Variants in TRPA1 observed in about 807,000 individuals in gnomAD.
The protein encoded by TRPA1 is ankyrin-like with transmembrane domains 1.
In TRPA1, 129 loss-of-function variants were observed where a neutral mutation model predicts 131.3. That is an observed-to-expected ratio of 0.98 (90% confidence interval 0.85 to 1.14). The LOEUF is 1.14. TRPA1 is among the 50% of genes most tolerant of loss of function. The probability of loss-of-function intolerance (pLI) is 0.00; values close to 1 mark genes in which losing one functional copy is unlikely to be tolerated. For missense variants in TRPA1, 1,304 were observed against 1,354.2 expected (o/e 0.96, Z 0.58); for synonymous variants, 441 against 451.7 (o/e 0.98, Z 0.30).
At position 72,021,492 on chromosome 8, in the gene TRPA1, T is replaced by A. The variant is rs1165753304; in HGVS notation, c.*1414A>T. The A allele has an allele frequency of 6.6e-6, 1 of 152,202 alleles. No homozygotes were observed. The highest frequency in any genetic ancestry group is 6.5e-5 in the Admixed American group (1 of 15,276). The allele number at this position is 152,202 out of a possible 1,614,324, so 9.4% of individuals were successfully genotyped here. A position where few individuals can be genotyped will look rare whatever the true frequency, so the allele number is the denominator to read the frequency against. ...GAAATATAAAGAACAAAGATATTATTCATATCAAAGATTAAGGTATATGCA... is the reference window on the plus strand; with the variant it reads ...GAAATATAAAGAACAAAGATATTATACATATCAAAGATTAAGGTATATGCA... On this transcript the variant is annotated 3_prime_UTR_variant, in exon 27 of 27. Transcript: ENST00000262209.
At chr8:72,037,147 G>A (rs1242976495) in intron 20 of TRPA1, among the ~76,000 whole-genome samples, 1 of 152,046 alleles carries the variant, frequency 6.6e-6, no homozygotes, top group African/African-American at 2.4e-5. Flanking sequence ...TCAGAATTGT[G>A]ACAAATTTCT....
chr8:72,064,615 C>G (rs1434020084), intron 4 of TRPA1, among the ~76,000 whole-genome samples: 1 of 151,870 alleles, frequency 6.6e-6, no homozygotes, highest in Non-Finnish European at 1.5e-5. Flanking sequence ...AGTAAAGGTG[C>G]TAAAACATAT....
At chr8:72,072,579 C>G (rs558383955) in intron 1 of TRPA1, among the ~76,000 whole-genome samples, 12 of 152,222 alleles carry the variant, frequency 7.9e-5, no homozygotes, top group African/African-American at 2.9e-4. Context: ...AATGAGCATC[C>G]AACCACTTCC....
intron 23 of TRPA1, 148 bp downstream of exon 23, chr8:72,033,496 G>C: frequency 2.6e-6 from 2 of 758,648 alleles, no homozygotes; most frequent in Non-Finnish European, 2.1e-6. Flanking sequence ...TGCTCCCCAG[G>C]CACCAAGTGA....
chr8:72,055,895 T>G, intron 10 of TRPA1, 40 bp from the exon 11 acceptor site: 1 of 1,599,882 alleles, frequency 6.3e-7, no homozygotes, highest in Non-Finnish European at 8.6e-7. Context: ...AACTCTGCTA[T>G]TATGCTAATA....
At chr8:72,024,015 G>T in intron 25 of TRPA1, 104 bp from the exon 26 acceptor site, 2 of 748,092 alleles carry the variant, frequency 2.7e-6, no homozygotes, top group Admixed American at 1.9e-5. Flanking sequence ...TATGCATAAG[G>T]CATAGCTATG....
At chr8:72,053,967 A>G in intron 12 of TRPA1, 100 bp from the exon 13 acceptor site, 1 of 793,908 alleles carries the variant, frequency 1.3e-6, no homozygotes, top group Non-Finnish European at 2.2e-6. Flanking sequence ...ATGACAACAA[A>G]AAGCATTATT....
rs188825003 is a variant in TRPA1 at position 72,046,631 on chromosome 8, T to A, written c.1966-23A>T. 3.4e-3 allele frequency: 4,405 copies of A among 1,298,166 alleles called. 12 individuals carry two copies. Among genetic ancestry groups the A allele is most frequent in the East Asian group, 0.015 (639 of 43,108 alleles). The allele number at this position is 1,298,166 out of a possible 1,614,324, so 80.4% of individuals were successfully genotyped here. A position where few individuals can be genotyped will look rare whatever the true frequency, so the allele number is the denominator to read the frequency against. ...GATCTGTAGAAGACAGAATTTTTTTTAAAAAAATGTACAGTTAGTCAAGTA... is the reference window on the plus strand; with the variant it reads ...GATCTGTAGAAGACAGAATTTTTTTAAAAAAAATGTACAGTTAGTCAAGTA... On this transcript the variant is annotated intron_variant, in intron 16 of 26. Coordinates refer to ENST00000262209, the MANE Select transcript of TRPA1 (RefSeq NM_007332.3).
rs1189696364 is a variant in TRPA1, at chr8:72,033,625, AT to A, written c.2868+18del. 73 of 1,602,024 alleles carry A rather than the reference AT, an allele frequency of 4.6e-5. No homozygotes were observed. The highest frequency in any genetic ancestry group is 5.9e-5 in the Non-Finnish European group (69 of 1,171,108). On this transcript the variant is annotated intron_variant, in intron 23 of 26. Coordinates refer to ENST00000262209, the MANE Select transcript of TRPA1 (RefSeq NM_007332.3). ...TTCAAATGATCAACAAACAGAAAAT[AT>A]AAGAAAAAACTACTTACAAGTAAAT...
Position 72,052,783 on chromosome 8 carries a change from A to G in TRPA1, c.1645-18T>C. 6.2e-7 allele frequency: 1 copy of G among 1,611,854 alleles called. No homozygotes were observed. The highest frequency in any genetic ancestry group is 8.5e-7 in the Non-Finnish European group (1 of 1,179,682). ...GCAGTGTTCTTTTGAAGAAAAACAGACACAGAAAACGTGGTGACAGTGTCT... is the reference window on the plus strand; with the variant it reads ...GCAGTGTTCTTTTGAAGAAAAACAGGCACAGAAAACGTGGTGACAGTGTCT... On this transcript the variant is annotated intron_variant, in intron 13 of 26. Transcript: ENST00000262209.
Position 72,021,338 on chromosome 8 carries a change from G to A in TRPA1, c.*1568C>T, listed in dbSNP as rs1811382887. The A allele has an allele frequency of 6.6e-6, 1 of 152,188 alleles. No homozygotes were observed. Among genetic ancestry groups the A allele is most frequent in the African/African-American group, 2.4e-5 (1 of 41,452 alleles). 9.4% of individuals were successfully genotyped at this position (152,188 alleles called of 1,614,324 possible). A position where few individuals can be genotyped will look rare whatever the true frequency, so the allele number is the denominator to read the frequency against. On this transcript the variant is annotated 3_prime_UTR_variant, in exon 27 of 27. Coordinates refer to ENST00000262209, the MANE Select transcript of TRPA1 (RefSeq NM_007332.3). The stretch of plus-strand genomic sequence containing the variant: ...TCTTGGCACTCAGTGAATGTTGACT[G>A]AGATCTATATTGTGCAATGCTACAC...
chr8:72,060,306 A>G (rs1279958773), intron 7 of TRPA1: 2 of 152,086 alleles, frequency 1.3e-5, no homozygotes, highest in Non-Finnish European at 2.9e-5. Context: ...CATTGGAATC[A>G]AAGAGTTTTT....
chr8:72,064,271 A>G (rs1467390168), intron 4 of TRPA1, among the ~76,000 whole-genome samples: 1 of 150,118 alleles, frequency 6.7e-6, no homozygotes, highest in Non-Finnish European at 1.5e-5. Flanking sequence ...TATAATATAT[A>G]TATATATGTA....
chr8:72,080,254 T>C (rs1338941013), upstream of TRPA1, among the ~76,000 whole-genome samples: 2 of 151,840 alleles, frequency 1.3e-5, no homozygotes, highest in African/African-American at 4.8e-5. Context: ...CTTTCAACAT[T>C]AAATATGACA....
chr8:72,046,981 G>C (rs1337529196), intron 16 of TRPA1, among the ~76,000 whole-genome samples, 167 bp downstream of exon 16: 1 of 151,976 alleles, frequency 6.6e-6, no homozygotes, highest in Non-Finnish European at 1.5e-5. Context: ...GGGGAAAACT[G>C]AGAATGTAAG....
At chr8:72,060,007 A>C (rs1212204525) in intron 7 of TRPA1, among the ~76,000 whole-genome samples, 2 of 152,162 alleles carry the variant, frequency 1.3e-5, no homozygotes, top group Admixed American at 1.3e-4. Flanking sequence ...AATGACTTAA[A>C]GCTTTGTGTT....
rs1563383807 is a variant in TRPA1 at position 72,033,700 on chromosome 8, A to G, written c.2812T>C (p.Phe938Leu). The change falls in exon 23 of 27, where the codon TTT (phenylalanine) becomes CTT (leucine). Residue 938 changes from phenylalanine (F) to leucine (L), a missense_variant. Physicochemically the swap from Phe to Leu is conservative, Grantham distance 22. Coordinates refer to ENST00000262209, the MANE Select transcript of TRPA1 (RefSeq NM_007332.3). ...ATTGTGAAGGAAACAAGTTGTGCAA[A>G]GGACAGAACTGGATGTGCCAATTCA... ...RNELAHPVLSFAQLVSFTIFV... is the reference protein window; with the variant it reads ...RNELAHPVLSLAQLVSFTIFV... The G allele has an allele frequency of 6.2e-7, 1 of 1,614,154 alleles. No homozygotes were observed. Among genetic ancestry groups the G allele is most frequent in the Non-Finnish European group, 8.5e-7 (1 of 1,180,012 alleles).
chr8:72,025,655 T>A (rs1282834355), intron 25 of TRPA1, among the ~76,000 whole-genome samples: 1 of 152,158 alleles, frequency 6.6e-6, no homozygotes, highest in African/African-American at 2.4e-5. Flanking sequence ...AGTATACCTG[T>A]ACTGTAAAAA....
chr8:72,041,969 CTAAT>C (rs1310781971), intron 17 of TRPA1, among the ~76,000 whole-genome samples: 1 of 151,586 alleles, frequency 6.6e-6, no homozygotes, highest in Non-Finnish European at 1.5e-5. Context: ...ATTTTACTGA[CTAAT>C]TAAGGAAAAA....
Sources: gnomAD v4.1 joint callset for allele counts (sites outside exome capture counted in the v4.1 genomes callset) on GRCh38, gnomAD v4.1.1 for gene constraint, MANE v1.5 for transcripts, NCBI Gene and HGNC (gene_info 2026-07-23, HGNC 2026-07-21) for gene names.